The following PTK2 variants were observed in gnomAD, a reference collection of about 807,000 sequenced individuals.
PTK2 encodes protein tyrosine kinase 2, also known as focal adhesion kinase 1.
Under a neutral mutation model 150.1 loss-of-function variants are expected in PTK2, and 45 were observed. The ratio of observed to expected loss-of-function variants is 0.30; its 90% CI spans 0.24 to 0.38. The LOEUF is 0.38. Ranked by LOEUF, PTK2 falls within the 10% of genes least tolerant of loss-of-function variation. PTK2 has a pLI of 1.00. For missense variants in PTK2, 919 were observed against 1,307.3 expected (o/e 0.70, Z 4.58); for synonymous variants, 432 against 449.2 (o/e 0.96, Z 0.48).
At chr8:140,660,424 A>G (rs2077798644) in intron 31 of PTK2, among the ~76,000 whole-genome samples, 1 of 152,190 alleles carries the variant, frequency 6.6e-6, no homozygotes, top group South Asian at 2.1e-4. Context: ...TATACAAAAA[A>G]TGGTTTAAGG....
At chr8:140,923,643 C>T (rs185243402) in intron 2 of PTK2, among the ~76,000 whole-genome samples, 98 of 152,312 alleles carry the variant, frequency 6.4e-4, no homozygotes, top group African/African-American at 2.3e-3. Context: ...AAGCAGTCCT[C>T]TATATTCCCT....
intron 1 of PTK2, among the ~76,000 whole-genome samples, chr8:140,969,373 A>G (rs2100186443): frequency 6.6e-6 from 1 of 152,212 alleles, no homozygotes; most frequent in Admixed American, 6.5e-5. Context: ...AAATAATCCT[A>G]TAAACAAGCA....
chr8:140,836,317 G>A (rs375768373), intron 7 of PTK2, among the ~76,000 whole-genome samples: 8 of 152,160 alleles, frequency 5.3e-5, no homozygotes, highest in Admixed American at 1.3e-4. Context: ...CTGTATACAC[G>A]TTTGTGTCCT....
At chr8:140,660,982 A>T (rs930440460) in intron 31 of PTK2, among the ~76,000 whole-genome samples, 4 of 152,258 alleles carry the variant, frequency 2.6e-5, no homozygotes, top group Admixed American at 6.5e-5. Flanking sequence ...TGGGAAAAGC[A>T]TACACAGGAC....
intron 19 of PTK2, 113 bp from the exon 23 acceptor site, chr8:140,743,443 G>A (rs1398875761): frequency 9.7e-6 from 6 of 617,250 alleles, no homozygotes; most frequent in African/African-American, 3.7e-5. Flanking sequence ...TATACAATGC[G>A]AGCAGATTAT....
intron 30 of PTK2, 134 bp from the exon 35 acceptor site, chr8:140,665,131 C>A (rs1466052575): frequency 1.1e-5 from 8 of 759,910 alleles, no homozygotes; most frequent in Non-Finnish European, 1.7e-5. Context: ...AGTGCTTAGC[C>A]CTATCTTGTA....
At chr8:140,807,145 A>G (rs2100098573) in intron 10 of PTK2, among the ~76,000 whole-genome samples, 1 of 152,268 alleles carries the variant, frequency 6.6e-6, no homozygotes, top group Non-Finnish European at 1.5e-5. Context: ...TCCAAGTATC[A>G]GATATACAGC....
intron 28 of PTK2, among the ~76,000 whole-genome samples, chr8:140,675,168 C>CT (rs772090005): frequency 0.041 from 5,662 of 138,278 alleles, 326 homozygotes; most frequent in African/African-American, 0.13. Context: ...GCATTTCTTT[C>CT]TTTTTTTTTT....
At chr8:140,826,637 T>C (rs890771822) in intron 8 of PTK2, among the ~76,000 whole-genome samples, 5 of 152,162 alleles carry the variant, frequency 3.3e-5, no homozygotes, top group Non-Finnish European at 5.9e-5. Context: ...TTTTCTGGAC[T>C]GGGTGTGATG....
At chr8:140,985,732 T>A (rs533959169) in intron 1 of PTK2, among the ~76,000 whole-genome samples, 5 of 152,328 alleles carry the variant, frequency 3.3e-5, no homozygotes, top group African/African-American at 1.2e-4. Flanking sequence ...GCAGGGCAAG[T>A]GCAATGGGAG....
At chr8:140,663,517 A>G (rs2084077787) in intron 31 of PTK2, among the ~76,000 whole-genome samples, 1 of 152,106 alleles carries the variant, frequency 6.6e-6, no homozygotes, top group African/African-American at 2.4e-5. Flanking sequence ...GCGTTTGTCA[A>G]TCCCAACCAC....
At chr8:140,981,793 G>A (rs1475761277) in intron 1 of PTK2, among the ~76,000 whole-genome samples, 1 of 152,118 alleles carries the variant, frequency 6.6e-6, no homozygotes, top group Non-Finnish European at 1.5e-5. Context: ...GGCCTGCAAA[G>A]CCTAGAATGT....
At chr8:140,755,584 T>G (rs1486937766) in intron 16 of PTK2, among the ~76,000 whole-genome samples, 1 of 152,124 alleles carries the variant, frequency 6.6e-6, no homozygotes, top group Non-Finnish European at 1.5e-5. Flanking sequence ...TTGTCAGAAG[T>G]TCTTTCTGAG....
intron 27 of PTK2, 46 bp downstream of exon 30, chr8:140,686,586 G>A (rs1313946240): frequency 3.3e-5 from 48 of 1,469,528 alleles, no homozygotes; most frequent in African/African-American, 4.2e-5. Flanking sequence ...GATGGTCCAC[G>A]CACAGGAGAA....
chr8:140,752,760 G>A (rs1423613078), intron 16 of PTK2, among the ~76,000 whole-genome samples: 1 of 152,262 alleles, frequency 6.6e-6, no homozygotes, highest in Non-Finnish European at 1.5e-5. Flanking sequence ...AGACAGGGAT[G>A]GAGGCTGCTG....
intron 31 of PTK2, among the ~76,000 whole-genome samples, chr8:140,663,992 GA>G (rs2085296911): frequency 6.6e-6 from 1 of 151,890 alleles, no homozygotes; most frequent in South Asian, 2.1e-4. Context: ...AATTTAAAAT[GA>G]TTTTTTTTTT....
chr8:140,732,650 GA>G, intron 22 of PTK2: 1 of 487,104 alleles, frequency 2.1e-6, no homozygotes, highest in Non-Finnish European at 4.2e-6. Flanking sequence ...TCGAGGGCAG[GA>G]AAAGTGTTTT....
chr8:140,871,515 G>T (rs915313391), intron 4 of PTK2, among the ~76,000 whole-genome samples: 2 of 152,166 alleles, frequency 1.3e-5, no homozygotes, highest in African/African-American at 4.8e-5. Context: ...CTTTGAATCA[G>T]AAGTGGGGCA....
At chr8:140,969,188 G>T (rs116720137) in intron 1 of PTK2, among the ~76,000 whole-genome samples, 1 of 152,042 alleles carries the variant, frequency 6.6e-6, no homozygotes, top group Non-Finnish European at 1.5e-5. Flanking sequence ...ACAAGACCCA[G>T]AGTCTCCTCC....
Sources: gnomAD v4.1 joint callset for allele counts (sites outside exome capture counted in the v4.1 genomes callset) on GRCh38, gnomAD v4.1.1 for gene constraint, MANE v1.5 for transcripts, NCBI Gene and HGNC (gene_info 2026-07-23, HGNC 2026-07-21) for gene names.